Variants in AKAP9 observed in about 807,000 individuals in gnomAD.
The protein encoded by AKAP9 is A-kinase anchoring protein 9, also known as A-kinase anchor protein 9.
Under a neutral mutation model 488.5 loss-of-function variants are expected in AKAP9, and 311 were observed. The observed-to-expected ratio is 0.64, with a 90% CI of 0.58 to 0.70. The LOEUF (loss-of-function observed/expected upper bound fraction) is 0.70. AKAP9 is among the 30% of genes least tolerant of loss of function. AKAP9 has a pLI of 0.00. For missense variants in AKAP9, 4,215 were observed against 4,374.5 expected, an observed-to-expected ratio of 0.96 and a Z score of 1.03; for synonymous variants, 1,462 against 1,483.5, an observed-to-expected ratio of 0.99 and a Z score of 0.33.
intron 1 of AKAP9, among the ~76,000 whole-genome samples, chr7:91,960,004 C>G (rs1226692474): frequency 6.6e-6 from 1 of 152,186 alleles, no homozygotes; most frequent in Admixed American, 6.5e-5. Flanking sequence ...CCTAGTTAGG[C>G]TACTGGAGTT....
chr7:92,002,704 A>T lies in AKAP9; in HGVS notation c.2787A>T (p.Glu929Asp), dbSNP rs763942446. 1.2e-6 allele frequency: 2 copies of T among 1,613,638 alleles called. No homozygotes were observed. Among genetic ancestry groups the T allele is most frequent in the South Asian group, 2.2e-5 (2 of 91,050 alleles). ...EDKTFVAETL[E>D]MGEVVEKDTT... ...AAACTTTTGTAGCAGAAACATTGGAAATGGGTGAGGTTGTTGAAAAGGATA... is the reference window on the plus strand; with the variant it reads ...AAACTTTTGTAGCAGAAACATTGGATATGGGTGAGGTTGTTGAAAAGGATA... The change falls in exon 8 of 50, where the codon GAA becomes GAT. Residue 929 changes from glutamate (E) to aspartate (D), a missense_variant. Physicochemically the swap from Glu to Asp is conservative, Grantham distance 45. Around this residue, in one of 5 missense-constraint regions of AKAP9, gnomAD observed 2,361 missense variants for 2,430.0 expected, o/e 0.97. Transcript: ENST00000356239.
At chr7:92,003,937 T>C (rs1799485077) in intron 8 of AKAP9, among the ~76,000 whole-genome samples, 1 of 152,234 alleles carries the variant, frequency 6.6e-6, no homozygotes, top group Non-Finnish European at 1.5e-5. Flanking sequence ...TTCTTCATTT[T>C]TCTAACATAT....
intron 7 of AKAP9, among the ~76,000 whole-genome samples, chr7:91,999,526 T>C (rs1798868870): frequency 6.6e-6 from 1 of 152,236 alleles, no homozygotes; most frequent in African/African-American, 2.4e-5. Flanking sequence ...TTTTATATTA[T>C]TTCCATGGGC....
chr7:91,949,037 C>T (rs746892652), intron 1 of AKAP9, among the ~76,000 whole-genome samples: 1 of 152,202 alleles, frequency 6.6e-6, no homozygotes, highest in Non-Finnish European at 1.5e-5. Flanking sequence ...AGGCCTGAGC[C>T]ACTGCGCCTA....
intron 21 of AKAP9, among the ~76,000 whole-genome samples, chr7:92,052,127 T>C (rs924700299): frequency 1.3e-5 from 2 of 152,206 alleles, no homozygotes; most frequent in Admixed American, 1.3e-4. Flanking sequence ...TTCCTTTTAC[T>C]GTGTAGCCAA....
chr7:92,001,857 A>C lies in AKAP9; in HGVS notation c.1940A>C (p.Glu647Ala). 6.2e-7 allele frequency: 1 copy of C among 1,613,368 alleles called. No homozygotes were observed. The highest frequency in any genetic ancestry group is 1.1e-5 in the South Asian group (1 of 91,038). The change falls in exon 8 of 50, where the codon GAA becomes GCA. Residue 647 changes from glutamate to alanine, a missense_variant. Coordinates refer to ENST00000356239, the MANE Select transcript of AKAP9 (RefSeq NM_005751.5). Reference sequence around the variant, plus strand: ...AAACTGAAGGAAGATTTAGAAATTGAACATCGAATAAATATTGAAAAACTT... The same window carrying C: ...AAACTGAAGGAAGATTTAGAAATTGCACATCGAATAAATATTGAAAAACTT... ...LSKLKEDLEIEHRINIEKLKD... is the reference protein window; with the variant it reads ...LSKLKEDLEIAHRINIEKLKD...
intron 17 of AKAP9, among the ~76,000 whole-genome samples, 166 bp downstream of exon 17, chr7:92,038,938 A>G (rs1455655872): frequency 2.0e-5 from 3 of 152,052 alleles, no homozygotes; most frequent in African/African-American, 7.2e-5. Context: ...GCTGAGTCTC[A>G]CTCTGTCGCC....
At position 92,083,318 on chromosome 7, in the gene AKAP9, T is replaced by C; in HGVS notation, c.8309T>C (p.Leu2770Pro). ...ESKKACMFEP[L>P]PIKLSKSIAS... is the part of the protein sequence containing the mutation. ...AAAAAGGCCTGCATGTTTGAGCCAC[T>C]TCCTATAAAACTGAGTAAGAGCATT... Residue 2770 changes from leucine to proline, a missense_variant, in exon 33 of 50, where the codon CTT (leucine) becomes CCT (proline). This residue lies in a region of AKAP9 where 1,476 missense variants were observed against 1,477.4 expected (regional missense o/e 1.00). Transcript: ENST00000356239. 1 of 1,614,106 alleles carries C rather than the reference T, an allele frequency of 6.2e-7. No individual in the cohort carries two copies. The highest frequency in any genetic ancestry group is 2.2e-5 in the East Asian group (1 of 44,868).
In AKAP9 at chr7:92,085,665, G is replaced by A. The variant is rs923695521; in HGVS notation, c.9003G>A (p.Met3001Ile). The change falls in exon 36 of 50, where the codon ATG (methionine) becomes ATA (isoleucine). Residue 3001 changes from methionine to isoleucine, a missense_variant. Coordinates refer to ENST00000356239, the MANE Select transcript of AKAP9 (RefSeq NM_005751.5). ...CTCTAAAGGATTTAATTACAAAGAT[G>A]CAACTGCAAAGAGAAGCCGAGGTAA... ...ISSLKDLITK[M>I]QLQREAEVYD... The A allele has an allele frequency of 6.2e-7, 1 of 1,613,000 alleles. No individual in the cohort carries two copies. The highest frequency in any genetic ancestry group is 8.5e-7 in the Non-Finnish European group (1 of 1,179,678).
At chr7:91,946,565 G>T (rs141456230) in intron 1 of AKAP9, among the ~76,000 whole-genome samples, 1 of 152,102 alleles carries the variant, frequency 6.6e-6, no homozygotes, top group African/African-American at 2.4e-5. Context: ...GTAGAGATGG[G>T]ATTTCACCAT....
chr7:92,082,914 A>G (rs1221597873), intron 32 of AKAP9, among the ~76,000 whole-genome samples: 1 of 152,222 alleles, frequency 6.6e-6, no homozygotes. Context: ...GAAAGTTGTT[A>G]AAGAGAACTG....
At chr7:91,949,908 G>C (rs1212407416) in intron 1 of AKAP9, among the ~76,000 whole-genome samples, 1 of 152,122 alleles carries the variant, frequency 6.6e-6, no homozygotes, top group Non-Finnish European at 1.5e-5. Context: ...ACTGTTCTCT[G>C]AGATTTTTGT....
intron 25 of AKAP9, among the ~76,000 whole-genome samples, chr7:92,066,216 C>T (rs955875830): frequency 6.6e-6 from 1 of 151,938 alleles, no homozygotes; most frequent in African/African-American, 2.4e-5. Context: ...AATATTAATA[C>T]TTGAATTTTT....
At chr7:91,941,627 A>C (rs1045926992) in intron 1 of AKAP9, among the ~76,000 whole-genome samples, 34 of 152,036 alleles carry the variant, frequency 2.2e-4, no homozygotes, top group African/African-American at 8.2e-4. Context: ...TTGGCCTGTG[A>C]CAGCTGTCTC....
At chr7:92,050,922 ACGCATATCTT>A (rs535667117) in intron 21 of AKAP9, among the ~76,000 whole-genome samples, 291 of 152,280 alleles carry the variant, frequency 1.9e-3, no homozygotes, top group African/African-American at 6.5e-3. Flanking sequence ...GAGTCATCTT[ACGCATATCTT>A]CTTTCCTTGT....
chr7:92,017,987 G>A (rs1488954734), intron 12 of AKAP9, among the ~76,000 whole-genome samples: 1 of 152,006 alleles, frequency 6.6e-6, no homozygotes, highest in Non-Finnish European at 1.5e-5. Flanking sequence ...CATTTTAATT[G>A]AGTAATGGAA....
intron 22 of AKAP9, among the ~76,000 whole-genome samples, chr7:92,053,369 T>A (rs1188632960): frequency 6.6e-6 from 1 of 152,200 alleles, no homozygotes; most frequent in Non-Finnish European, 1.5e-5. Flanking sequence ...TAATGCAACA[T>A]AGTATTTGTC....
chr7:92,077,092 C>CTTTTTTTTTTTTTTTTTTTTTTTTTTTT (rs201649179), intron 29 of AKAP9, 85 bp downstream of exon 29: 1 of 296,968 alleles, frequency 3.4e-6, no homozygotes, highest in Non-Finnish European at 5.0e-6. Context: ...ATTATTATTT[C>CTTTTTTTTTTTTTTTTTTTTTTTTTTTT]TTTCTTTTTT....
rs201647585 is a variant in AKAP9, at chr7:92,034,480, CTA to C, written c.4338+2894_4338+2895del. 3.4e-3 allele frequency among the ~76,000 whole-genome samples: 371 copies of C among 109,858 alleles called. 7 individuals carry two copies. Among genetic ancestry groups the C allele is most frequent in the African/African-American group, 4.9e-3 (134 of 27,482 alleles). The allele number at this position is 109,858 out of a possible 152,430, so 72.1% of individuals were successfully genotyped here. A position where few individuals can be genotyped will look rare whatever the true frequency, so the allele number is the denominator to read the frequency against. ...TAGAGTTGTATTGTAGTGTATATAT[CTA>C]TATATATATATATATATTTTTTTTT... On this transcript the variant is annotated intron_variant, in intron 16 of 49. Transcript: ENST00000356239.
Sources: gnomAD v4.1 joint callset for allele counts (sites outside exome capture counted in the v4.1 genomes callset) on GRCh38, gnomAD v4.1.1 for gene constraint, gnomAD v4.1.1 regional missense constraint, MANE v1.5 for transcripts, NCBI Gene and HGNC (gene_info 2026-07-23, HGNC 2026-07-21) for gene names.